Variants in TMEM120B observed in about 807,000 individuals in gnomAD.
TMEM120B encodes transmembrane protein 120B.
In TMEM120B, 31 loss-of-function variants were observed where a neutral mutation model predicts 55.5. The ratio of observed to expected loss-of-function variants is 0.56; its 90% CI spans 0.42 to 0.75. TMEM120B has a LOEUF of 0.75. Ranked by LOEUF, TMEM120B falls within the 30% of genes least tolerant of loss-of-function variation. The pLI is 0.00. For synonymous variants in TMEM120B, 203 were observed against 176.3 expected (o/e 1.15, Z -1.20); for missense variants, 399 against 425.5 (o/e 0.94, Z 0.55).
At chr12:121,731,976 A>T (rs903533032) in intron 1 of TMEM120B, among the ~76,000 whole-genome samples, 1 of 152,158 alleles carries the variant, frequency 6.6e-6, no homozygotes, top group African/African-American at 2.4e-5. Context: ...GTCTCTATTA[A>T]ACATACAAAA....
chr12:121,779,751 T>A lies in TMEM120B; in HGVS notation c.*4029T>A. The A allele has an allele frequency of 7.2e-7, 1 of 1,391,160 alleles. No individual in the cohort carries two copies. Among genetic ancestry groups the A allele is most frequent in the Non-Finnish European group, 1.0e-6 (1 of 1,004,336 alleles). The allele number at this position is 1,391,160 out of a possible 1,614,324, so 86.2% of individuals were successfully genotyped here. Reference sequence around the variant, plus strand: ...TGGGTTTGGGACTGGCTCTGAGGACTCTGCAGGGATGGAGGCCTTGGTTTG... The same window carrying A: ...TGGGTTTGGGACTGGCTCTGAGGACACTGCAGGGATGGAGGCCTTGGTTTG... On this transcript the variant is annotated 3_prime_UTR_variant, in exon 12 of 12. Coordinates refer to ENST00000449592, the MANE Select transcript of TMEM120B (RefSeq NM_001080825.2).
intron 1 of TMEM120B, among the ~76,000 whole-genome samples, chr12:121,732,425 ACT>A (rs1895018940): frequency 6.6e-6 from 1 of 151,834 alleles, no homozygotes; most frequent in Non-Finnish European, 1.5e-5. Context: ...CCCTGAAATG[ACT>A]CTGGCCAATG....
rs111495350 is a variant in TMEM120B, at chr12:121,759,178, G to T, written c.462-2471G>T. 9.5e-3 allele frequency among the ~76,000 whole-genome samples: 1,392 copies of T among 147,134 alleles called. 28 individuals carry two copies. The highest frequency in any genetic ancestry group is 0.033 in the African/African-American group (1,328 of 39,708). On this transcript the variant is annotated intron_variant, in intron 5 of 11. Transcript: ENST00000449592. ...CTCACTCCCCTCGGCCTCCCAAAGT[G>T]CTGGGATTACAGGCGTGAGCCACCG...
At chr12:121,751,998 T>G in intron 4 of TMEM120B, 130 bp from the exon 5 acceptor site, 1 of 712,444 alleles carries the variant, frequency 1.4e-6, no homozygotes, top group Non-Finnish European at 2.4e-6. Context: ...TTTCCTTTAG[T>G]GGAATGGGAA....
chr12:121,757,226 A>G (rs1045902765), intron 5 of TMEM120B, among the ~76,000 whole-genome samples: 9 of 151,496 alleles, frequency 5.9e-5, no homozygotes, highest in African/African-American at 2.2e-4. Flanking sequence ...CAGTGGTGTG[A>G]TCTCAGCTCA....
chr12:121,731,553 A>G (rs1045045307), intron 1 of TMEM120B, among the ~76,000 whole-genome samples: 1 of 152,230 alleles, frequency 6.6e-6, no homozygotes, highest in African/African-American at 2.4e-5. Flanking sequence ...ACTGTGTTAC[A>G]GTCTGCTACA....
chr12:121,725,624 T>C (rs758644811), intron 1 of TMEM120B, among the ~76,000 whole-genome samples: 7 of 152,038 alleles, frequency 4.6e-5, no homozygotes, highest in Non-Finnish European at 8.8e-5. Context: ...TATTGCTGAC[T>C]AGCAATAAAA....
At position 121,775,233 on chromosome 12, in the gene TMEM120B, G is replaced by A. The variant is rs1233192087; in HGVS notation, c.906+103G>A. 4.2e-6 allele frequency: 5 copies of A among 1,177,298 alleles called. No homozygotes were observed. Among genetic ancestry groups the A allele is most frequent in the Non-Finnish European group, 4.7e-6 (4 of 853,778 alleles). 72.9% of individuals were successfully genotyped at this position (1,177,298 alleles called of 1,614,324 possible). A position where few individuals can be genotyped will look rare whatever the true frequency, so the allele number is the denominator to read the frequency against. ...GCTGGGGTGCGGATTCCTGGGGAGG[G>A]CTGGGATGGCAGATGTGGGGGTGGG... On this transcript the variant is annotated intron_variant, in intron 11 of 11. Transcript: ENST00000449592. This position sits in a 1 kb window ranked among gnomAD's most constrained non-coding sequence, Gnocchi z 4.3.
chr12:121,779,595 TTC>T lies in TMEM120B; in HGVS notation c.*3876_*3877del. On this transcript the variant is annotated 3_prime_UTR_variant, in exon 12 of 12. Transcript: ENST00000449592. ...GGCCTCCCGGAAGACGTCCTCCACA[TTC>T]TCCCGAAACTTGGCGGAACATTCCA... is the stretch of plus-strand genomic sequence containing the variant. The T allele has an allele frequency of 6.2e-7, 1 of 1,614,164 alleles. No homozygotes were observed. The highest frequency in any genetic ancestry group is 8.5e-7 in the Non-Finnish European group (1 of 1,180,018).
chr12:121,743,940 G>T (rs1338778267), intron 2 of TMEM120B, among the ~76,000 whole-genome samples, 193 bp downstream of exon 2: 2 of 152,152 alleles, frequency 1.3e-5, no homozygotes, highest in African/African-American at 4.8e-5. Flanking sequence ...GCCTTCCTCT[G>T]GATTGGTGTC....
intron 1 of TMEM120B, among the ~76,000 whole-genome samples, chr12:121,724,667 G>A (rs898402388): frequency 1.3e-5 from 2 of 149,760 alleles, no homozygotes; most frequent in Non-Finnish European, 2.9e-5. Context: ...CTGGAATGCA[G>A]TCGCGCAATC....
intron 1 of TMEM120B, among the ~76,000 whole-genome samples, chr12:121,727,609 C>T (rs1894920911): frequency 6.6e-6 from 1 of 151,274 alleles, no homozygotes. Flanking sequence ...TGCGGTGGCT[C>T]ACGCTTGTAA....
intron 1 of TMEM120B, among the ~76,000 whole-genome samples, chr12:121,726,960 CA>C (rs1276300433): frequency 3.4e-5 from 5 of 147,558 alleles, no homozygotes; most frequent in African/African-American, 1.3e-4. Context: ...CACGGTGGCT[CA>C]CGCCTGTAAT....
chr12:121,731,290 C>T (rs1015765923), intron 1 of TMEM120B, among the ~76,000 whole-genome samples: 4 of 151,932 alleles, frequency 2.6e-5, no homozygotes, highest in Non-Finnish European at 5.9e-5. Context: ...CTTGCTTTGT[C>T]GCCCAGGCTG....
At chr12:121,727,102 TA>T (rs925311643) in intron 1 of TMEM120B, among the ~76,000 whole-genome samples, 2 of 152,174 alleles carry the variant, frequency 1.3e-5, no homozygotes, top group African/African-American at 4.8e-5. Context: ...CAAATAATTT[TA>T]AAATGCTTTA....
chr12:121,764,757 TG>T (rs1281591154), intron 6 of TMEM120B, among the ~76,000 whole-genome samples: 1 of 152,004 alleles, frequency 6.6e-6, no homozygotes, highest in Non-Finnish European at 1.5e-5. Flanking sequence ...ACGCTGTGGA[TG>T]GGGGGCGACC....
At chr12:121,733,100 A>G (rs1895034953) in intron 1 of TMEM120B, among the ~76,000 whole-genome samples, 1 of 152,132 alleles carries the variant, frequency 6.6e-6, no homozygotes, top group Non-Finnish European at 1.5e-5. Flanking sequence ...AGGCCGTGCA[A>G]GGATACTATT....
At chr12:121,739,859 A>T (rs1313335063) in intron 1 of TMEM120B, among the ~76,000 whole-genome samples, 1 of 138,780 alleles carries the variant, frequency 7.2e-6, no homozygotes, top group Non-Finnish European at 1.5e-5. Flanking sequence ...GCTCACTGCA[A>T]TCTCCCCCTC....
intron 4 of TMEM120B, among the ~76,000 whole-genome samples, 176 bp downstream of exon 4, chr12:121,750,615 CACCA>C (rs1873252179): frequency 7.2e-6 from 1 of 139,204 alleles, no homozygotes; most frequent in Non-Finnish European, 1.6e-5. Flanking sequence ...CCAACACCAA[CACCA>C]ACACCACACC....
Sources: allele counts gnomAD v4.1 joint callset (sites outside exome capture counted in the v4.1 genomes callset), GRCh38; gene constraint gnomAD v4.1.1; non-coding constraint Gnocchi (gnomAD v3.1); transcripts MANE v1.5; gene names NCBI Gene and HGNC (gene_info 2026-07-23, HGNC 2026-07-21).